TBC1D16: variants seen among roughly 807,000 people sequenced by gnomAD.
The protein encoded by TBC1D16 is TBC1 domain family member 16, also known as CTD-2529O21.1.
In TBC1D16, 58 loss-of-function variants were observed where a neutral mutation model predicts 74.7. The observed-to-expected ratio is 0.78, with a 90% CI of 0.63 to 0.97. The LOEUF is 0.97. Ranked by LOEUF, TBC1D16 falls within the 50% of genes least tolerant of loss-of-function variation. The pLI is 0.00. For missense variants in TBC1D16, 1,014 were observed against 1,079.5 expected, an observed-to-expected ratio of 0.94 and a Z score of 0.85; for synonymous variants, 493 against 474.7, an observed-to-expected ratio of 1.04 and a Z score of -0.50.
Position 79,954,292 on chromosome 17 carries a change from G to T in TBC1D16, c.780-1474C>A, listed in dbSNP as rs768906705. ...GGTCTAAGTAAATAAAGCTCCTTTG[G>T]AGGGTTCCAGCACAATCCCTCCCCA... On this transcript the variant is annotated intron_variant, in intron 3 of 11. Transcript: ENST00000310924. This position sits in a 1 kb window ranked among gnomAD's most constrained non-coding sequence, Gnocchi z 5.5. 3.3e-5 allele frequency among the ~76,000 whole-genome samples: 5 copies of T among 152,182 alleles called. No homozygotes were observed. The highest frequency in any genetic ancestry group is 5.9e-5 in the Non-Finnish European group (4 of 68,040).
intron 1 of TBC1D16, among the ~76,000 whole-genome samples, chr17:80,033,021 C>T (rs1431402548): frequency 3.3e-5 from 5 of 152,178 alleles, no homozygotes; most frequent in Admixed American, 1.3e-4. Flanking sequence ...GGTACACATA[C>T]GCACAAATAG....
Position 79,934,565 on chromosome 17 carries a change from C to T in TBC1D16, c.*6294G>A, listed in dbSNP as rs1450739207. 2 of 152,232 alleles carry T rather than the reference C, an allele frequency of 1.3e-5. No homozygotes were observed. The highest frequency in any genetic ancestry group is 2.4e-5 in the African/African-American group (1 of 41,462). 9.4% of individuals were successfully genotyped at this position (152,232 alleles called of 1,614,324 possible). A position where few individuals can be genotyped will look rare whatever the true frequency, so the allele number is the denominator to read the frequency against. ...CCACATGGACAAAGATTTCTTTAAA[C>T]GGAGCCACCAGCCATGCCTGGTAGT... On this transcript the variant is annotated 3_prime_UTR_variant, in exon 12 of 12. Transcript: ENST00000310924.
At chr17:80,012,273 G>T (rs2035924512) in intron 2 of TBC1D16, among the ~76,000 whole-genome samples, 1 of 152,184 alleles carries the variant, frequency 6.6e-6, no homozygotes, top group Non-Finnish European at 1.5e-5. Context: ...AGGGTCCGAG[G>T]TGGCTACTCC....
In TBC1D16 at chr17:79,971,311, C is replaced by T. The variant is rs1209553304; in HGVS notation, c.780-18493G>A. On this transcript the variant is annotated intron_variant, in intron 3 of 11. Transcript: ENST00000310924. This position sits in a 1 kb window ranked among gnomAD's most constrained non-coding sequence, Gnocchi z 4.6. ...GTGCTGGCATTACAGGTGTGAGGCACCGCACCCGGCCCACACTCCCAGTAT... is the reference window on the plus strand; with the variant it reads ...GTGCTGGCATTACAGGTGTGAGGCATCGCACCCGGCCCACACTCCCAGTAT... Among the ~76,000 whole-genome samples the T allele has an allele frequency of 1.3e-5, 2 of 152,222 alleles. No individual in the cohort carries two copies. The highest frequency in any genetic ancestry group is 1.3e-4 in the Admixed American group (2 of 15,284).
chr17:79,963,850 T>C (rs1315641903), intron 3 of TBC1D16, among the ~76,000 whole-genome samples: 1 of 152,248 alleles, frequency 6.6e-6, no homozygotes, highest in Admixed American at 6.5e-5. Flanking sequence ...AGTACCTTCA[T>C]GTGCTTATCG....
At chr17:79,960,637 T>C (rs190362934) in intron 3 of TBC1D16, among the ~76,000 whole-genome samples, 23 of 151,760 alleles carry the variant, frequency 1.5e-4, no homozygotes, top group Admixed American at 1.1e-3. Context: ...ACCTCTGTTA[T>C]CCCAGCTACT....
chr17:79,968,175 G>A (rs1215512751), intron 3 of TBC1D16, among the ~76,000 whole-genome samples: 2 of 152,106 alleles, frequency 1.3e-5, no homozygotes, highest in Non-Finnish European at 2.9e-5. Context: ...GTATTTTTTG[G>A]TAGAGACAGG....
At position 79,979,409 on chromosome 17, in the gene TBC1D16, C is replaced by T. The variant is rs1270554838; in HGVS notation, c.780-26591G>A. Among the ~76,000 whole-genome samples, 2 of 152,128 alleles carry T rather than the reference C, an allele frequency of 1.3e-5. No individual in the cohort carries two copies. The highest frequency in any genetic ancestry group is 6.5e-5 in the Admixed American group (1 of 15,270). ...AGTGCCGCCAATCACGTGGCCCTCT[C>T]GAGGTGAAGCTGCGACACTGTGTGG... On this transcript the variant is annotated intron_variant, in intron 3 of 11. Coordinates refer to ENST00000310924, the MANE Select transcript of TBC1D16 (RefSeq NM_019020.4). This position sits in a 1 kb window ranked among gnomAD's most constrained non-coding sequence, Gnocchi z 4.8.
Position 79,944,189 on chromosome 17 carries a change from T to C in TBC1D16, c.1908+719A>G. 6.6e-7 allele frequency: 1 copy of C among 1,519,118 alleles called. No homozygotes were observed. The highest frequency in any genetic ancestry group is 1.2e-5 in the South Asian group (1 of 83,690). The allele number at this position is 1,519,118 out of a possible 1,614,324, so 94.1% of individuals were successfully genotyped here. A position where few individuals can be genotyped will look rare whatever the true frequency, so the allele number is the denominator to read the frequency against. ...GTTTGCCTCCATCTTCAGGGTTCTC[T>C]GACGGAGGCTGCTGGAGCTGCCGTG... is the stretch of plus-strand genomic sequence containing the variant. On this transcript the variant is annotated intron_variant, in intron 10 of 11. Coordinates refer to ENST00000310924, the MANE Select transcript of TBC1D16 (RefSeq NM_019020.4). This position sits in a 1 kb window ranked among gnomAD's most constrained non-coding sequence, Gnocchi z 7.7.
At chr17:79,963,553 ATATCTCTGTGTCTC>A (rs1185665434) in intron 3 of TBC1D16, among the ~76,000 whole-genome samples, 1 of 152,164 alleles carries the variant, frequency 6.6e-6, no homozygotes, top group Non-Finnish European at 1.5e-5. Context: ...TGGTGTCCAG[ATATCTCTGTGTCTC>A]TGCTTTCAAT....
chr17:79,993,610 G>A lies in TBC1D16; in HGVS notation c.779+16550C>T, dbSNP rs1281742487. 6.6e-6 allele frequency: 1 copy of A among 152,288 alleles called. No homozygotes were observed. The highest frequency in any genetic ancestry group is 1.9e-4 in the East Asian group (1 of 5,204). 9.4% of individuals were successfully genotyped at this position (152,288 alleles called of 1,614,324 possible). A position where few individuals can be genotyped will look rare whatever the true frequency, so the allele number is the denominator to read the frequency against. ...GCCCCCACTACCTGCAACTTTCAGGGAAGATTTCATCAGGTGCTGGGTTAC... is the reference window on the plus strand; with the variant it reads ...GCCCCCACTACCTGCAACTTTCAGGAAAGATTTCATCAGGTGCTGGGTTAC... On this transcript the variant is annotated intron_variant, in intron 3 of 11. Coordinates refer to ENST00000310924, the MANE Select transcript of TBC1D16 (RefSeq NM_019020.4). This position sits in a 1 kb window ranked among gnomAD's most constrained non-coding sequence, Gnocchi z 5.1.
rs761952515 is a variant in TBC1D16, at chr17:80,010,365, G to A, written c.574C>T (p.Pro192Ser). Residue 192 changes from proline (P) to serine (S), a missense_variant, in exon 3 of 12, where the codon CCG becomes TCG. Pro to Ser is a moderately conservative substitution (Grantham distance 74, BLOSUM62 -1). Transcript: ENST00000310924. The surrounding 1 kb of genome is among the most constrained non-coding windows in gnomAD (Gnocchi z 8.8). The stretch of plus-strand genomic sequence containing the variant: ...CGCCCCTCCTCGGTGACATCCTGCG[G>A]ACTGACCGTCGACAAGATCCCGGAG... ...SPSGILSTVSPQDVTEEGREP... is the reference protein window; with the variant it reads ...SPSGILSTVSSQDVTEEGREP... The A allele has an allele frequency of 2.5e-6, 4 of 1,612,258 alleles. No homozygotes were observed. Among genetic ancestry groups the A allele is most frequent in the Non-Finnish European group, 3.4e-6 (4 of 1,179,356 alleles).
At chr17:79,973,870 C>T (rs1033981099) in intron 3 of TBC1D16, among the ~76,000 whole-genome samples, 1 of 152,066 alleles carries the variant, frequency 6.6e-6, no homozygotes, top group African/African-American at 2.4e-5. Flanking sequence ...AAAACAAAAC[C>T]AAAACCCTCC....
rs919284056 is a variant in TBC1D16, at chr17:80,018,880, C to T, written c.-62-5271G>A. On this transcript the variant is annotated intron_variant, in intron 1 of 11. Transcript: ENST00000310924. ...CCTTCCAAAGTGTTAGGATTACAGG[C>T]GGGAGCCACCGCACCTGGCCTATTT... is the stretch of plus-strand genomic sequence containing the variant. Among the ~76,000 whole-genome samples, 52 of 150,172 alleles carry T rather than the reference C, an allele frequency of 3.5e-4. 1 individual carries two copies. The highest frequency in any genetic ancestry group is 6.2e-4 in the Non-Finnish European group (42 of 68,040).
rs2031819173 is a variant in TBC1D16, at chr17:79,939,450, A to G, written c.*1409T>C. ...CATGGCCCAGCAGTGCCCACCCTCC[A>G]GGGAGAAAAGCTTTGAGTGGGAAGA... On this transcript the variant is annotated 3_prime_UTR_variant, in exon 12 of 12. Transcript: ENST00000310924. 6.6e-6 allele frequency: 1 copy of G among 152,210 alleles called. No individual in the cohort carries two copies. Among genetic ancestry groups the G allele is most frequent in the African/African-American group, 2.4e-5 (1 of 41,440 alleles). The allele number at this position is 152,210 out of a possible 1,614,324, so 9.4% of individuals were successfully genotyped here.
At chr17:80,024,785 C>T (rs910901178) in intron 1 of TBC1D16, among the ~76,000 whole-genome samples, 1 of 148,284 alleles carries the variant, frequency 6.7e-6, no homozygotes, top group African/African-American at 2.6e-5. Context: ...CACATACCTA[C>T]CACACACTAC....
In TBC1D16 at chr17:79,961,002, T is replaced by C. The variant is rs2033592369; in HGVS notation, c.780-8184A>G. ...ATTTACCCAAAATACATGGAAAATG[T>C]TCACACGAAATCTGTGTGTGAATGT... On this transcript the variant is annotated intron_variant, in intron 3 of 11. Transcript: ENST00000310924. The surrounding 1 kb of genome is among the most constrained non-coding windows in gnomAD (Gnocchi z 4.8). Among the ~76,000 whole-genome samples the C allele has an allele frequency of 1.3e-5, 2 of 152,106 alleles. No individual in the cohort carries two copies. The highest frequency in any genetic ancestry group is 2.1e-4 in the South Asian group (1 of 4,838).
rs776425529 is a variant in TBC1D16, at chr17:79,941,083, G to A, written c.2080C>T (p.Arg694Cys). ...RKARSLLYQF[R>C]LLPRIPCSLH... ...CTGCAGGGGATCCGGGGCAGGAGGC[G>A]GAACTGGTACAGCAAACTCCTCGCC... Residue 694 changes from arginine to cysteine, a missense_variant, in exon 12 of 12, where the codon CGC becomes TGC. Arg to Cys is a radical substitution (Grantham distance 180). Transcript: ENST00000310924. This position sits in a 1 kb window ranked among gnomAD's most constrained non-coding sequence, Gnocchi z 4.3. The A allele has an allele frequency of 1.1e-5, 17 of 1,588,332 alleles. No individual in the cohort carries two copies. Among genetic ancestry groups the A allele is most frequent in the African/African-American group, 2.7e-5 (2 of 74,424 alleles).
At chr17:80,028,061 C>T (rs114677217) in intron 1 of TBC1D16, among the ~76,000 whole-genome samples, 2,274 of 151,966 alleles carry the variant, frequency 0.015, 56 homozygotes, top group African/African-American at 0.052. Context: ...ACCTCCGAGA[C>T]GCTCCTTTTA....
Sources: gnomAD v4.1 joint callset for allele counts (sites outside exome capture counted in the v4.1 genomes callset) on GRCh38, gnomAD v4.1.1 for gene constraint, Gnocchi (gnomAD v3.1) non-coding constraint, MANE v1.5 for transcripts, NCBI Gene and HGNC (gene_info 2026-07-23, HGNC 2026-07-21) for gene names.